Variants in PABPC4L observed in about 807,000 individuals in gnomAD.
The protein encoded by PABPC4L is poly(A) binding protein cytoplasmic 4 like, also known as polyadenylate-binding protein 4-like.
For synonymous variants in PABPC4L, 169 were observed against 164.1 expected, an observed-to-expected ratio of 1.03 and a Z score of -0.23; for missense variants, 452 against 451.4, an observed-to-expected ratio of 1.00 and a Z score of -0.01.
chr4:134,112,545 C>T, the PABPC4L span, among the ~76,000 whole-genome samples: 3 of 151,656 alleles, frequency 2.0e-5, no homozygotes, highest in Non-Finnish European at 4.4e-5. Context: ...TGGATCCATT[C>T]GGGTAATTAC....
chr4:134,178,365 CAAAAAA>C, the PABPC4L span, among the ~76,000 whole-genome samples: 4 of 104,062 alleles, frequency 3.8e-5, no homozygotes, highest in African/African-American at 1.4e-4. Context: ...AAGAAAAAAG[CAAAAAA>C]AAAAAAAAAA....
At chr4:133,949,311 G>C in the PABPC4L span, among the ~76,000 whole-genome samples, 30 of 152,090 alleles carry the variant, frequency 2.0e-4, no homozygotes, top group Non-Finnish European at 4.4e-5. Context: ...TTTCCACAAG[G>C]TGACTTGGCA....
chr4:134,110,800 C>A, the PABPC4L span, among the ~76,000 whole-genome samples: 25 of 152,056 alleles, frequency 1.6e-4, no homozygotes, highest in African/African-American at 6.0e-4. Flanking sequence ...AGTTGTTATA[C>A]TGCATTGTTT....
At chr4:134,058,381 T>C in the PABPC4L span, among the ~76,000 whole-genome samples, 3 of 151,992 alleles carry the variant, frequency 2.0e-5, no homozygotes, top group South Asian at 6.2e-4. Flanking sequence ...TGATAAGCAC[T>C]TCTTATGATA....
At chr4:134,162,662 T>A in the PABPC4L span, among the ~76,000 whole-genome samples, 20 of 152,186 alleles carry the variant, frequency 1.3e-4, no homozygotes, top group South Asian at 4.2e-3. Flanking sequence ...ATCAAGTATC[T>A]TCTCAAGGCC....
At chr4:134,189,095 T>G in the PABPC4L span, among the ~76,000 whole-genome samples, 1 of 152,108 alleles carries the variant, frequency 6.6e-6, no homozygotes, top group Non-Finnish European at 1.5e-5. Flanking sequence ...ATCAAAGGCA[T>G]TCTTCATTTC....
the PABPC4L span, among the ~76,000 whole-genome samples, chr4:134,086,164 G>A: frequency 6.6e-6 from 1 of 151,846 alleles, no homozygotes; most frequent in Non-Finnish European, 1.5e-5. Flanking sequence ...GGTAATGTAA[G>A]AAGTTGGGTT....
At chr4:134,183,310 C>T in the PABPC4L span, among the ~76,000 whole-genome samples, 2 of 151,822 alleles carry the variant, frequency 1.3e-5, no homozygotes. Context: ...TCTGTTGCAA[C>T]ATAGATGGAG....
the PABPC4L span, among the ~76,000 whole-genome samples, chr4:134,055,030 G>A: frequency 1.3e-5 from 2 of 151,924 alleles, no homozygotes; most frequent in Non-Finnish European, 2.9e-5. Flanking sequence ...ACATGCTAGG[G>A]TTTGGTGTTA....
chr4:134,104,736 C>T, the PABPC4L span, among the ~76,000 whole-genome samples: 67,151 of 151,496 alleles, frequency 0.44, 17,098 homozygotes, highest in East Asian at 0.98. Context: ...TCAACCATCT[C>T]TCATATAATG....
the PABPC4L span, among the ~76,000 whole-genome samples, chr4:134,054,246 GTATATGTATATA>G: frequency 6.8e-3 from 501 of 74,038 alleles, 6 homozygotes; most frequent in Non-Finnish European, 8.0e-3. Flanking sequence ...TACTTTAGTT[GTATATGTATATA>G]TATATATATA....
chr4:134,191,928 A>G (rs1251375334), downstream of PABPC4L, among the ~76,000 whole-genome samples: 1 of 152,104 alleles, frequency 6.6e-6, no homozygotes, highest in Non-Finnish European at 1.5e-5. Context: ...AGAATAGAAA[A>G]ACAATAGAAA....
Position 134,200,904 on chromosome 4 carries a change from A to G in PABPC4L, c.116T>C (p.Ile39Thr). The stretch of plus-strand genomic sequence containing the variant: ...GGTGACCTGGTCCCTGCAAATGCGG[A>G]TGGACAGCACAGGCCCCACAGTGCT... ...KFSTVGPVLS[I>T]RICRDQVTRR... is the part of the protein sequence containing the mutation. Residue 39 changes from isoleucine (I) to threonine (T), a missense_variant, in exon 2 of 2, where the codon ATC becomes ACC. Ile to Thr is a moderately conservative substitution (Grantham distance 89). Transcript: ENST00000421491. The G allele has an allele frequency of 6.4e-7, 1 of 1,560,996 alleles. No homozygotes were observed. The highest frequency in any genetic ancestry group is 8.7e-7 in the Non-Finnish European group (1 of 1,152,302).
At chr4:134,081,086 G>C in the PABPC4L span, among the ~76,000 whole-genome samples, 1 of 152,146 alleles carries the variant, frequency 6.6e-6, no homozygotes, top group Non-Finnish European at 1.5e-5. Context: ...TGTATGTTCA[G>C]TAAAGCCTCA....
the PABPC4L span, among the ~76,000 whole-genome samples, chr4:134,007,655 T>A: frequency 6.6e-6 from 1 of 151,688 alleles, no homozygotes; most frequent in Non-Finnish European, 1.5e-5. Flanking sequence ...CCCATGAGCC[T>A]AATTATCATC....
the PABPC4L span, among the ~76,000 whole-genome samples, chr4:133,982,188 A>C: frequency 1.3e-5 from 2 of 152,032 alleles, no homozygotes; most frequent in African/African-American, 4.8e-5. Flanking sequence ...GATGTTAAGT[A>C]AGGTATTTTT....
At chr4:134,191,122 T>G in the PABPC4L span, among the ~76,000 whole-genome samples, 1 of 152,158 alleles carries the variant, frequency 6.6e-6, no homozygotes, top group African/African-American at 2.4e-5. Context: ...GTGGCTATGT[T>G]TATGGCTTAT....
chr4:134,098,268 A>T, the PABPC4L span, among the ~76,000 whole-genome samples: 1 of 151,758 alleles, frequency 6.6e-6, no homozygotes, highest in Non-Finnish European at 1.5e-5. Flanking sequence ...TTTATTACAC[A>T]AATTTATAGA....
At chr4:134,039,480 A>G in the PABPC4L span, among the ~76,000 whole-genome samples, 1 of 152,194 alleles carries the variant, frequency 6.6e-6, no homozygotes, top group East Asian at 1.9e-4. Context: ...GTCTCTAAGA[A>G]CTTGCTTTAT....
Sources: gnomAD v4.1 joint callset for allele counts (sites outside exome capture counted in the v4.1 genomes callset) on GRCh38, gnomAD v4.1.1 for gene constraint, MANE v1.5 for transcripts, NCBI Gene and HGNC (gene_info 2026-07-23, HGNC 2026-07-21) for gene names.